Variants in IMMP2L observed in about 807,000 individuals in gnomAD.
IMMP2L encodes mitochondrial inner membrane protease subunit 2.
IMMP2L carries 18 observed loss-of-function variants against 19.3 expected under a neutral mutation model. The observed-to-expected ratio is 0.93, with a 90% CI of 0.64 to 1.38. IMMP2L has a LOEUF of 1.38. Among genes scored for constraint, IMMP2L ranks in the 40% most tolerant of loss-of-function variants. IMMP2L has a pLI of 0.00. For missense variants in IMMP2L, 233 were observed against 218.2 expected (o/e 1.07, Z -0.43); for synonymous variants, 76 against 73.0 (o/e 1.04, Z -0.21).
intron 3 of IMMP2L, among the ~76,000 whole-genome samples, chr7:111,020,938 T>C (rs1486478038): frequency 6.6e-6 from 1 of 152,242 alleles, no homozygotes; most frequent in Non-Finnish European, 1.5e-5. Context: ...AAGTGTGTCA[T>C]GAGGTATTTC....
intron 3 of IMMP2L, among the ~76,000 whole-genome samples, chr7:111,227,999 A>G (rs762931183): frequency 6.6e-5 from 10 of 152,170 alleles, no homozygotes; most frequent in Non-Finnish European, 7.4e-5. Flanking sequence ...GACAGCATGT[A>G]GTGATTTCAG....
chr7:111,249,649 A>G lies in IMMP2L; in HGVS notation c.239+237589T>C, dbSNP rs920358879. The stretch of plus-strand genomic sequence containing the variant: ...TGTAATTCATCACATAAACAGAACT[A>G]AAGGCAAAAAACACATGATTATCTC... On this transcript the variant is annotated intron_variant, in intron 3 of 5. Coordinates refer to ENST00000405709, the MANE Select transcript of IMMP2L (RefSeq NM_032549.4). Among the ~76,000 whole-genome samples the G allele has an allele frequency of 2.6e-4, 40 of 152,210 alleles. 1 individual carries two copies. Among genetic ancestry groups the G allele is most frequent in the Admixed American group, 2.2e-3 (34 of 15,278 alleles).
At chr7:110,857,114 T>C (rs1274205001) in intron 5 of IMMP2L, among the ~76,000 whole-genome samples, 1 of 152,074 alleles carries the variant, frequency 6.6e-6, no homozygotes, top group South Asian at 2.1e-4. Context: ...TTGTGTGCCA[T>C]AGATAATACT....
At chr7:111,011,648 G>A (rs1330627931) in intron 3 of IMMP2L, among the ~76,000 whole-genome samples, 2 of 152,098 alleles carry the variant, frequency 1.3e-5, no homozygotes, top group East Asian at 3.9e-4. Flanking sequence ...TTGCTACTGG[G>A]CAAGGAACGA....
At chr7:111,217,164 T>C (rs1292676485) in intron 3 of IMMP2L, among the ~76,000 whole-genome samples, 1 of 139,854 alleles carries the variant, frequency 7.2e-6, no homozygotes, top group Non-Finnish European at 1.5e-5. Flanking sequence ...ACACACAATA[T>C]GCAGTGGAGT....
intron 3 of IMMP2L, among the ~76,000 whole-genome samples, chr7:111,239,308 A>G (rs1012418877): frequency 6.6e-6 from 1 of 151,890 alleles, no homozygotes; most frequent in African/African-American, 2.4e-5. Flanking sequence ...TCAAGCCTCA[A>G]AAGCCAGCAT....
chr7:111,267,655 A>G (rs1817973551), intron 3 of IMMP2L, among the ~76,000 whole-genome samples: 1 of 152,166 alleles, frequency 6.6e-6, no homozygotes, highest in Admixed American at 6.6e-5. Flanking sequence ...CTTTTGACCC[A>G]ATCTTTAATA....
chr7:111,005,319 A>T (rs1304892586), intron 3 of IMMP2L, among the ~76,000 whole-genome samples: 2 of 152,188 alleles, frequency 1.3e-5, no homozygotes, highest in Non-Finnish European at 2.9e-5. Flanking sequence ...AGAAAACCAT[A>T]TACAGTGTTT....
intron 5 of IMMP2L, among the ~76,000 whole-genome samples, chr7:110,795,724 C>T (rs1457974987): frequency 6.6e-6 from 1 of 152,044 alleles, no homozygotes; most frequent in Non-Finnish European, 1.5e-5. Flanking sequence ...CAGGGAATCA[C>T]ACTAAGATTT....
Position 111,343,510 on chromosome 7 carries a change from C to T in IMMP2L, c.239+143728G>A, listed in dbSNP as rs114216904. ...CATGACATTCACCCAGAATCCTTTCCTGGCTCCCGGCGCACCCAGTGCTTC... is the reference window on the plus strand; with the variant it reads ...CATGACATTCACCCAGAATCCTTTCTTGGCTCCCGGCGCACCCAGTGCTTC... On this transcript the variant is annotated intron_variant, in intron 3 of 5. Transcript: ENST00000405709. Among the ~76,000 whole-genome samples, 834 of 152,180 alleles carry T rather than the reference C, an allele frequency of 5.5e-3. 19 individuals carry two copies. The highest frequency in any genetic ancestry group is 0.018 in the African/African-American group (764 of 41,494).
intron 3 of IMMP2L, among the ~76,000 whole-genome samples, chr7:111,251,506 T>C (rs1816118679): frequency 6.6e-6 from 1 of 152,126 alleles, no homozygotes; most frequent in Non-Finnish European, 1.5e-5. Context: ...TCAGCCCAAA[T>C]GCCCATCAAT....
chr7:111,075,883 T>G (rs1457011606), intron 3 of IMMP2L, among the ~76,000 whole-genome samples: 6 of 152,236 alleles, frequency 3.9e-5, no homozygotes, highest in African/African-American at 9.6e-5. Flanking sequence ...CTTAACTCAC[T>G]ATTCTGAACT....
At chr7:110,841,733 A>G (rs976389122) in intron 5 of IMMP2L, among the ~76,000 whole-genome samples, 2 of 152,254 alleles carry the variant, frequency 1.3e-5, no homozygotes, top group South Asian at 4.1e-4. Context: ...ATCAATTTTC[A>G]GATAAGACCT....
rs150009392 is a variant in IMMP2L at position 110,942,178 on chromosome 7, G to A, written c.305+21322C>T. Among the ~76,000 whole-genome samples the A allele has an allele frequency of 9.9e-4, 151 of 151,996 alleles. 3 individuals carry two copies. The Middle Eastern group carries it at 0.01, about 10-fold the overall frequency. On this transcript the variant is annotated intron_variant, in intron 4 of 5. Coordinates refer to ENST00000405709, the MANE Select transcript of IMMP2L (RefSeq NM_032549.4). ...TCAATTAATTACATTTCATTCAAGA[G>A]TTAAGTTTCTTGCAATAAATATTAA...
chr7:110,704,113 C>T (rs184168758), intron 5 of IMMP2L, among the ~76,000 whole-genome samples: 1 of 152,248 alleles, frequency 6.6e-6, no homozygotes, highest in East Asian at 1.9e-4. Context: ...TCCCAAAGTG[C>T]TGGCAAGAGG....
chr7:111,521,923 T>C (rs1563307048), intron 1 of IMMP2L, among the ~76,000 whole-genome samples: 1 of 152,080 alleles, frequency 6.6e-6, no homozygotes, highest in African/African-American at 2.4e-5. Flanking sequence ...GTAGAAAGGA[T>C]ATAATTCTTG....
chr7:111,107,369 A>T (rs1324740426), intron 3 of IMMP2L, among the ~76,000 whole-genome samples: 1 of 152,084 alleles, frequency 6.6e-6, no homozygotes, highest in Admixed American at 6.6e-5. Flanking sequence ...TGTTGTAAAC[A>T]GTTTAGATTC....
chr7:110,826,211 A>C (rs1400067285), intron 5 of IMMP2L, among the ~76,000 whole-genome samples: 1 of 152,182 alleles, frequency 6.6e-6, no homozygotes, highest in Non-Finnish European at 1.5e-5. Context: ...GGATGTGGAG[A>C]AACAGGAACA....
intron 5 of IMMP2L, among the ~76,000 whole-genome samples, chr7:110,734,026 C>T (rs1356038087): frequency 3.3e-5 from 5 of 152,084 alleles, no homozygotes; most frequent in African/African-American, 1.2e-4. Context: ...TAGACTGAGA[C>T]AAAAATTTGC....
Sources: gnomAD v4.1 joint callset for allele counts (sites outside exome capture counted in the v4.1 genomes callset) on GRCh38, gnomAD v4.1.1 for gene constraint, MANE v1.5 for transcripts, NCBI Gene and HGNC (gene_info 2026-07-23, HGNC 2026-07-21) for gene names.